Variants in MAGI1 observed in about 807,000 individuals in gnomAD.
MAGI1 encodes the protein membrane-associated guanylate kinase, WW and PDZ domain-containing protein 1.
In MAGI1, 58 loss-of-function variants were observed where a neutral mutation model predicts 139.9. That is an observed-to-expected ratio of 0.41 (90% CI 0.34 to 0.52). The LOEUF is 0.52. Among genes scored for constraint, MAGI1 ranks in the 20% least tolerant of loss-of-function variants. The probability of loss-of-function intolerance (pLI) is 0.12; values close to 1 mark genes in which losing one functional copy is unlikely to be tolerated. For missense variants in MAGI1, 1,874 were observed against 1,901.6 expected, an observed-to-expected ratio of 0.99 and a Z score of 0.27; for synonymous variants, 812 against 737.9, an observed-to-expected ratio of 1.10 and a Z score of -1.63.
At position 65,698,952 on chromosome 3, in the gene MAGI1, G is replaced by A. The variant is rs1201750582; in HGVS notation, c.314-76864C>T. Among the ~76,000 whole-genome samples the A allele has an allele frequency of 4.5e-5, 6 of 133,384 alleles. No homozygotes were observed. The South Asian group carries it at 7.2e-4, about 16-fold the overall frequency. 87.5% of individuals were successfully genotyped at this position (133,384 alleles called of 152,430 possible). On this transcript the variant is annotated intron_variant, in intron 1 of 22. Coordinates refer to ENST00000402939, the MANE Select transcript of MAGI1 (RefSeq NM_001033057.2). The stretch of plus-strand genomic sequence containing the variant: ...GAGTGAACAGGCAACCTACAAAATG[G>A]GAGAAAATTTTCGCAACCTACTCAT...
At chr3:65,896,182 T>C (rs1166085970) in intron 1 of MAGI1, among the ~76,000 whole-genome samples, 1 of 152,048 alleles carries the variant, frequency 6.6e-6, no homozygotes, top group Non-Finnish European at 1.5e-5. Context: ...CACTTTAAAT[T>C]CAGGCATAAG....
At chr3:65,461,450 C>G (rs934146609) in intron 5 of MAGI1, among the ~76,000 whole-genome samples, 12 of 148,770 alleles carry the variant, frequency 8.1e-5, no homozygotes, top group Non-Finnish European at 1.8e-4. Context: ...CTCCTGACCT[C>G]ATGATCCGCC....
intron 1 of MAGI1, among the ~76,000 whole-genome samples, chr3:65,888,641 T>A (rs2060623142): frequency 6.6e-6 from 1 of 152,274 alleles, no homozygotes; most frequent in South Asian, 2.1e-4. Flanking sequence ...TATACACAAG[T>A]ACATACACAT....
At chr3:65,688,808 A>G (rs2107549501) in intron 1 of MAGI1, among the ~76,000 whole-genome samples, 1 of 152,356 alleles carries the variant, frequency 6.6e-6, no homozygotes, top group African/African-American at 2.4e-5. Flanking sequence ...AGCAGGATGA[A>G]TTATCTATTC....
At chr3:65,406,516 T>G (rs539442028) in intron 12 of MAGI1, among the ~76,000 whole-genome samples, 2 of 152,254 alleles carry the variant, frequency 1.3e-5, no homozygotes, top group South Asian at 2.1e-4. Flanking sequence ...CAATTTACAT[T>G]TTTTCATTGT....
intron 18 of MAGI1, among the ~76,000 whole-genome samples, chr3:65,366,965 T>C (rs756297651): frequency 6.6e-6 from 1 of 152,164 alleles, no homozygotes; most frequent in African/African-American, 2.4e-5. Flanking sequence ...GATGAATCAG[T>C]GATATTTTAT....
chr3:65,768,742 T>G (rs549605355), intron 1 of MAGI1, among the ~76,000 whole-genome samples: 1 of 152,204 alleles, frequency 6.6e-6, no homozygotes, highest in Non-Finnish European at 1.5e-5. Flanking sequence ...GAGTCCCAGT[T>G]TGAACCTTCC....
At chr3:65,723,709 C>A (rs1317916495) in intron 1 of MAGI1, among the ~76,000 whole-genome samples, 2 of 152,196 alleles carry the variant, frequency 1.3e-5, no homozygotes, top group Non-Finnish European at 2.9e-5. Flanking sequence ...TTCTCATTAA[C>A]TTCAGAAAGT....
chr3:65,994,783 T>G (rs952336795), intron 1 of MAGI1, among the ~76,000 whole-genome samples: 1 of 152,172 alleles, frequency 6.6e-6, no homozygotes, highest in African/African-American at 2.4e-5. Flanking sequence ...ACAAGCCCTG[T>G]GTACCTTCAA....
At chr3:65,499,117 A>G in intron 2 of MAGI1, 1 of 788,914 alleles carries the variant, frequency 1.3e-6, no homozygotes, top group Non-Finnish European at 1.5e-6. Flanking sequence ...AGTCAACTCC[A>G]CGATTTGTTT....
intron 2 of MAGI1, among the ~76,000 whole-genome samples, chr3:65,568,904 C>T (rs796767952): frequency 1.2e-4 from 18 of 152,266 alleles, no homozygotes; most frequent in African/African-American, 4.3e-4. Context: ...ATAATAATAT[C>T]CACGTATAAT....
chr3:65,457,536 T>C (rs1375197487), intron 5 of MAGI1, among the ~76,000 whole-genome samples: 2 of 152,220 alleles, frequency 1.3e-5, no homozygotes, highest in Non-Finnish European at 2.9e-5. Flanking sequence ...TAAGATCCAA[T>C]ATATGGTTTG....
chr3:65,833,140 C>G (rs886627658), intron 1 of MAGI1, among the ~76,000 whole-genome samples: 5 of 150,150 alleles, frequency 3.3e-5, no homozygotes, highest in African/African-American at 1.2e-4. Context: ...TTTTGGGAGA[C>G]AGAATCTCAC....
At chr3:65,469,371 G>A (rs892143039) in intron 5 of MAGI1, among the ~76,000 whole-genome samples, 1 of 151,532 alleles carries the variant, frequency 6.6e-6, no homozygotes, top group Non-Finnish European at 1.5e-5. Flanking sequence ...ATTAAAACAT[G>A]GTGAATCTCA....
rs562851375 is a variant in MAGI1, at chr3:65,460,150, T to C, written c.960-6810A>G. On this transcript the variant is annotated intron_variant, in intron 5 of 22. Transcript: ENST00000402939. The stretch of plus-strand genomic sequence containing the variant: ...AATGCTTTTTCTGCATCGATTCATA[T>C]GAGCATTGATTCTTTAGCCTGTTAA... Among the ~76,000 whole-genome samples, 3 of 152,338 alleles carry C rather than the reference T, an allele frequency of 2.0e-5. No individual in the cohort carries two copies. The East Asian group carries it at 5.8e-4, about 29-fold the overall frequency.
intron 2 of MAGI1, among the ~76,000 whole-genome samples, chr3:65,519,377 CACACACACATAT>C (rs1218256419): frequency 1.7e-4 from 7 of 41,660 alleles, no homozygotes; most frequent in East Asian, 9.7e-4. Flanking sequence ...CACACACACA[CACACACACATAT>C]ATATAATTTT....
intron 2 of MAGI1, among the ~76,000 whole-genome samples, chr3:65,554,298 A>G (rs1283439568): frequency 6.6e-6 from 1 of 152,178 alleles, no homozygotes; most frequent in Non-Finnish European, 1.5e-5. Context: ...AAATAAACAT[A>G]TGATTCTATA....
At chr3:65,884,468 C>T (rs1042018542) in intron 1 of MAGI1, among the ~76,000 whole-genome samples, 9 of 152,280 alleles carry the variant, frequency 5.9e-5, no homozygotes, top group African/African-American at 2.2e-4. Flanking sequence ...AAAAGCATGG[C>T]ATCAAAATGT....
At chr3:65,626,647 C>A (rs914168218) in intron 1 of MAGI1, among the ~76,000 whole-genome samples, 1 of 152,142 alleles carries the variant, frequency 6.6e-6, no homozygotes, top group Non-Finnish European at 1.5e-5. Flanking sequence ...TAAGTATAAG[C>A]TCTTGGTTTA....
Sources: gnomAD v4.1 joint callset for allele counts (sites outside exome capture counted in the v4.1 genomes callset) on GRCh38, gnomAD v4.1.1 for gene constraint, MANE v1.5 for transcripts, NCBI Gene and HGNC (gene_info 2026-07-23, HGNC 2026-07-21) for gene names.